The following CLIP2 variants were observed in gnomAD, a reference collection of about 807,000 sequenced individuals.
CLIP2 encodes the protein CAP-Gly domain containing linker protein 2.
Under a neutral mutation model 111.7 loss-of-function variants are expected in CLIP2, and 41 were observed. The ratio of observed to expected loss-of-function variants is 0.37; its 90% CI spans 0.29 to 0.48. CLIP2 has a LOEUF of 0.48. Ranked by LOEUF, CLIP2 falls within the 20% of genes least tolerant of loss-of-function variation. The probability of loss-of-function intolerance (pLI) is 0.99; values close to 1 mark genes in which losing one functional copy is unlikely to be tolerated. For missense variants in CLIP2, 1,160 were observed against 1,422.1 expected, an observed-to-expected ratio of 0.82 and a Z score of 2.96; for synonymous variants, 660 against 644.2, an observed-to-expected ratio of 1.02 and a Z score of -0.37.
chr7:74,389,046 G>A, intron 12 of CLIP2, 57 bp from the exon 13 acceptor site: 2 of 1,547,762 alleles, frequency 1.3e-6, no homozygotes, highest in Non-Finnish European at 1.7e-6. Context: ...CCTTGGGTGG[G>A]ACAGAAGCTC....
rs376489457 is a variant in CLIP2 at position 74,376,849 on chromosome 7, C to T, written c.2421+27C>T. The T allele has an allele frequency of 1.7e-5, 26 of 1,520,490 alleles. No individual in the cohort carries two copies. Among genetic ancestry groups the T allele is most frequent in the East Asian group, 4.8e-5 (2 of 41,988 alleles). 94.2% of individuals were successfully genotyped at this position (1,520,490 alleles called of 1,614,324 possible). ...TAGGCGCCTGCCCCTCCTGCTGGGG[C>T]GGGAGGGTCGGGCTGGGGAGGGCTT... On this transcript the variant is annotated intron_variant, in intron 10 of 16. Coordinates refer to ENST00000223398, the MANE Select transcript of CLIP2 (RefSeq NM_003388.5). The surrounding 1 kb of genome is among the most constrained non-coding windows in gnomAD (Gnocchi z 7.1).
intron 2 of CLIP2, among the ~76,000 whole-genome samples, chr7:74,337,593 CT>C (rs10695450): frequency 0.058 from 8,542 of 147,308 alleles, 603 homozygotes; most frequent in East Asian, 0.36. Flanking sequence ...GCCATTGCTT[CT>C]TTTTTTTTTT....
Position 74,338,884 on chromosome 7 carries a change from C to G in CLIP2, c.558C>G (p.Pro186=). The G allele has an allele frequency of 9.3e-6, 15 of 1,606,504 alleles. No individual in the cohort carries two copies. Among genetic ancestry groups the G allele is most frequent in the Non-Finnish European group, 1.3e-5 (15 of 1,179,906 alleles). The change falls in exon 3 of 17, where the codon CCC becomes CCG. Residue 186 remains proline (P), a synonymous_variant. Coordinates refer to ENST00000223398, the MANE Select transcript of CLIP2 (RefSeq NM_003388.5). The surrounding 1 kb of genome is among the most constrained non-coding windows in gnomAD (Gnocchi z 4.3). ...ATPPLTSRVI[P]LRESVLNSSV... is the part of the protein sequence containing the mutation. ...CCCCGCTGACCAGCCGCGTCATCCCCCTGCGGGAGAGCGTCCTCAACAGCT... is the reference window on the plus strand; with the variant it reads ...CCCCGCTGACCAGCCGCGTCATCCCGCTGCGGGAGAGCGTCCTCAACAGCT...
intron 1 of CLIP2, among the ~76,000 whole-genome samples, chr7:74,305,862 C>A (rs540628500): frequency 6.2e-5 from 7 of 112,638 alleles, no homozygotes; most frequent in South Asian, 3.6e-4. Flanking sequence ...CCAACCCCCC[C>A]CCACCGCCCC....
At chr7:74,290,836 G>A (rs782681705) in intron 1 of CLIP2, among the ~76,000 whole-genome samples, 18 of 152,146 alleles carry the variant, frequency 1.2e-4, no homozygotes, top group Non-Finnish European at 2.5e-4. Context: ...ACTTCTAGGG[G>A]CTGGCTGGTC....
At chr7:74,400,618 C>G in intron 15 of CLIP2, 63 bp downstream of exon 15, 4 of 1,424,216 alleles carry the variant, frequency 2.8e-6, no homozygotes, top group East Asian at 5.1e-5. Context: ...TCGGAGCCCC[C>G]GTCTGATGCG....
At chr7:74,399,892 T>C (rs376866158) in intron 14 of CLIP2, among the ~76,000 whole-genome samples, 17 of 150,532 alleles carry the variant, frequency 1.1e-4, no homozygotes, top group Admixed American at 7.9e-4. Flanking sequence ...CAGTGGCTCA[T>C]GCCTGTAATC....
At position 74,353,681 on chromosome 7, in the gene CLIP2, G is replaced by C. The variant is rs191238790; in HGVS notation, c.679-199G>C. Among the ~76,000 whole-genome samples the C allele has an allele frequency of 1.0e-3, 157 of 152,314 alleles. 1 individual carries two copies. The highest frequency in any genetic ancestry group is 3.0e-3 in the African/African-American group (126 of 41,574). ...GTCTGTCTTCAAAGCCTGTGCCCTT[G>C]CCTGTGTCAGCCCTGGGAGGCACTG... On this transcript the variant is annotated intron_variant, in intron 3 of 16. Coordinates refer to ENST00000223398, the MANE Select transcript of CLIP2 (RefSeq NM_003388.5).
intron 1 of CLIP2, among the ~76,000 whole-genome samples, chr7:74,307,981 A>G (rs1554728004): frequency 6.6e-6 from 1 of 152,090 alleles, no homozygotes; most frequent in East Asian, 1.9e-4. Context: ...GTTCCCAGAG[A>G]GGAGAGACTA....
At chr7:74,371,938 A>G (rs1790638218) in intron 8 of CLIP2, among the ~76,000 whole-genome samples, 1 of 152,100 alleles carries the variant, frequency 6.6e-6, no homozygotes, top group Admixed American at 6.6e-5. Context: ...CCGGGGTTTT[A>G]TTACAGGTTT....
Position 74,356,512 on chromosome 7 carries a change from G to T in CLIP2, c.906G>T (p.Lys302Asn). The T allele has an allele frequency of 6.2e-7, 1 of 1,614,240 alleles. No individual in the cohort carries two copies. The highest frequency in any genetic ancestry group is 8.5e-7 in the Non-Finnish European group (1 of 1,180,052). Residue 302 changes from lysine to asparagine, a missense_variant, in exon 5 of 17, where the codon AAG (lysine) becomes AAT (asparagine). This residue lies in a region of CLIP2 where 110 missense variants were observed against 185.2 expected (regional missense o/e 0.59). Transcript: ENST00000223398. ...GCCCAGCCAAGGCCAAGAAGACCAA[G>T]CGTATGGCCATGGGTGTGTCAGCAC... ...STSPAKAKKT[K>N]RMAMGVSALT...
In CLIP2 at chr7:74,349,468, G is replaced by GTATA. The variant is rs1385137051; in HGVS notation, c.679-4411_679-4410insATAT. ...AAAAAGTATGTATGTGTGTGTGTGT[G>GTATA]TGTATATATATATATATATATATAT... On this transcript the variant is annotated intron_variant, in intron 3 of 16. Coordinates refer to ENST00000223398, the MANE Select transcript of CLIP2 (RefSeq NM_003388.5). Among the ~76,000 whole-genome samples, 467 of 61,636 alleles carry GTATA rather than the reference G, an allele frequency of 7.6e-3. 3 individuals are homozygous for GTATA. The highest frequency in any genetic ancestry group is 0.01 in the East Asian group (15 of 1,484). The allele number at this position is 61,636 out of a possible 152,430, so 40.4% of individuals were successfully genotyped here.
chr7:74,306,873 C>T (rs924494810), intron 1 of CLIP2, among the ~76,000 whole-genome samples: 9 of 152,208 alleles, frequency 5.9e-5, no homozygotes, highest in Non-Finnish European at 1.3e-4. Flanking sequence ...GGGCCAAGGG[C>T]TCACAGCCAC....
At chr7:74,345,664 T>C (rs1472819440) in intron 3 of CLIP2, among the ~76,000 whole-genome samples, 1 of 151,654 alleles carries the variant, frequency 6.6e-6, no homozygotes, top group Non-Finnish European at 1.5e-5. Flanking sequence ...TGGGGAAACA[T>C]GGGGAAACCC....
intron 12 of CLIP2, among the ~76,000 whole-genome samples, chr7:74,387,045 G>A (rs62476440): frequency 6.7e-6 from 1 of 148,568 alleles, no homozygotes; most frequent in Non-Finnish European, 1.5e-5. Context: ...AAAAAAAAGG[G>A]CCAGGGCCAG....
chr7:74,372,803 G>T, intron 8 of CLIP2, 129 bp from the exon 9 acceptor site: 2 of 663,536 alleles, frequency 3.0e-6, no homozygotes, highest in East Asian at 2.8e-5. Flanking sequence ...TCCTCGCCTT[G>T]TTCACGGAAG....
At chr7:74,290,355 A>G (rs1787980246) in intron 1 of CLIP2, among the ~76,000 whole-genome samples, 1 of 152,212 alleles carries the variant, frequency 6.6e-6, no homozygotes, top group South Asian at 2.1e-4. Context: ...TGTCCCCCCA[A>G]GCTGGCGCTG....
intron 14 of CLIP2, among the ~76,000 whole-genome samples, chr7:74,399,906 G>T (rs1333731205): frequency 6.6e-6 from 1 of 151,398 alleles, no homozygotes; most frequent in African/African-American, 2.4e-5. Context: ...TGTAATCCCA[G>T]CACTTTGGGA....
At chr7:74,311,101 TC>T (rs1194074186) in intron 1 of CLIP2, among the ~76,000 whole-genome samples, 1 of 151,732 alleles carries the variant, frequency 6.6e-6, no homozygotes, top group Non-Finnish European at 1.5e-5. Flanking sequence ...TGCCTCAGCC[TC>T]CCGAGTAGCT....
Sources: gnomAD v4.1 joint callset for allele counts (sites outside exome capture counted in the v4.1 genomes callset) on GRCh38, gnomAD v4.1.1 for gene constraint, gnomAD v4.1.1 regional missense constraint, Gnocchi (gnomAD v3.1) non-coding constraint, MANE v1.5 for transcripts, NCBI Gene and HGNC (gene_info 2026-07-23, HGNC 2026-07-21) for gene names.